Variants in GLYATL2 observed in about 807,000 individuals in gnomAD.
The protein encoded by GLYATL2 is glycine-N-acyltransferase like 2.
A neutral mutation model predicts 21.4 loss-of-function variants in GLYATL2; 25 were observed. The ratio of observed to expected loss-of-function variants is 1.17; its 90% CI spans 0.85 to 1.63. The LOEUF (loss-of-function observed/expected upper bound fraction) is 1.63, where lower values mean the gene tolerates loss of function less well. Ranked by LOEUF, GLYATL2 falls within the 40% of genes most tolerant of loss-of-function variation. The pLI is 0.00. For missense variants in GLYATL2, 361 were observed against 343.3 expected (o/e 1.05, Z -0.41); for synonymous variants, 114 against 118.2 (o/e 0.96, Z 0.23).
intron 2 of GLYATL2, 37 bp from the exon 3 acceptor site, chr11:58,838,405 T>G: frequency 1.5e-4 from 170 of 1,151,066 alleles, no homozygotes; most frequent in Non-Finnish European, 2.1e-4. Context: ...GAGGATGAAG[T>G]TCTTCTCCAA....
At chr11:58,889,292 T>A (rs1854498684) in intron 1 of GLYATL2, among the ~76,000 whole-genome samples, 1 of 151,972 alleles carries the variant, frequency 6.6e-6, no homozygotes, top group Admixed American at 6.6e-5. Flanking sequence ...TTTGTGTTTT[T>A]TCAAAGTCTC....
chr11:58,851,512 T>G (rs1268405245), intron 1 of GLYATL2, among the ~76,000 whole-genome samples: 1 of 152,170 alleles, frequency 6.6e-6, no homozygotes, highest in Non-Finnish European at 1.5e-5. Context: ...TGAGGATTTT[T>G]GCATCAGTAT....
intron 1 of GLYATL2, among the ~76,000 whole-genome samples, chr11:58,877,287 C>A (rs1462963948): frequency 6.6e-6 from 1 of 152,212 alleles, no homozygotes; most frequent in Non-Finnish European, 1.5e-5. Context: ...TGTGCTGCAC[C>A]CGCTATACAG....
chr11:58,899,815 GAAT>G (rs1473539553), intron 1 of GLYATL2, among the ~76,000 whole-genome samples: 1 of 143,126 alleles, frequency 7.0e-6, no homozygotes, highest in Non-Finnish European at 1.5e-5. Flanking sequence ...AATTACAACA[GAAT>G]ATATATATAT....
At chr11:58,907,112 T>C (rs1854911522), upstream of GLYATL2, 1 of 353,662 alleles carries the variant, frequency 2.8e-6, no homozygotes, top group Admixed American at 3.4e-5. Flanking sequence ...ATAATAGTTT[T>C]AGGGTGGTTC....
rs192069307 is a variant in GLYATL2 at position 58,858,110 on chromosome 11, G to A, written n.61-19742C>T. Among the ~76,000 whole-genome samples, 710 of 152,258 alleles carry A rather than the reference G, an allele frequency of 4.7e-3. 6 individuals carry two copies. Among genetic ancestry groups the A allele is most frequent in the African/African-American group, 0.016 (674 of 41,534 alleles). On this transcript the variant is annotated intron_variant and non_coding_transcript_variant, in intron 1 of 4. Transcript: ENST00000533636. ...TCATGTGTCTGTGTGAATGTAGCGTGCGTTTGAGTAGCATTGTGTGTGAGT... is the reference window on the plus strand; with the variant it reads ...TCATGTGTCTGTGTGAATGTAGCGTACGTTTGAGTAGCATTGTGTGTGAGT...
intron 1 of GLYATL2, among the ~76,000 whole-genome samples, chr11:58,889,655 CTTTAA>C (rs1446989561): frequency 6.6e-5 from 10 of 151,690 alleles, no homozygotes; most frequent in Non-Finnish European, 1.0e-4. Context: ...ATTTTTCCTC[CTTTAA>C]TTTATTACAC....
Position 58,834,464 on chromosome 11 carries a change from G to A in GLYATL2, c.850C>T (p.His284Tyr). Residue 284 changes from histidine to tyrosine, a missense_variant, in exon 6 of 6, where the codon CAT becomes TAT. By Grantham distance (83) the His-to-Tyr change is moderately conservative. Transcript: ENST00000287275. ...TTCTTGGGGGTGCATTTCCACTGATGCCAGCCACAAGGACAAATCTTAAAC... is the reference window on the plus strand; with the variant it reads ...TTCTTGGGGGTGCATTTCCACTGATACCAGCCACAAGGACAAATCTTAAAC... The part of the protein sequence containing the change: ...LGFKICPCGW[H>Y]QWKCTPKKYC 4 of 1,604,230 alleles carry A rather than the reference G, an allele frequency of 2.5e-6. No individual in the cohort carries two copies. Among genetic ancestry groups the A allele is most frequent in the Non-Finnish European group, 3.4e-6 (4 of 1,175,446 alleles).
intron 1 of GLYATL2, among the ~76,000 whole-genome samples, chr11:58,877,208 C>T (rs618527): frequency 0.86 from 130,338 of 152,270 alleles, 57,439 homozygotes; most frequent in Non-Finnish European, 0.96. Context: ...TGACTAGGAA[C>T]GGGAATTCCC....
intron 5 of GLYATL2, among the ~76,000 whole-genome samples, chr11:58,835,698 T>A (rs1488468648): frequency 6.6e-6 from 1 of 152,138 alleles, no homozygotes; most frequent in Non-Finnish European, 1.5e-5. Flanking sequence ...TGGACTTGCT[T>A]CCTGAAAGAT....
At chr11:58,873,857 A>G (rs1017520704) in intron 1 of GLYATL2, among the ~76,000 whole-genome samples, 2 of 152,192 alleles carry the variant, frequency 1.3e-5, no homozygotes, top group Non-Finnish European at 2.9e-5. Flanking sequence ...TTTCAGAAGG[A>G]ATGGTACCAG....
intron 1 of GLYATL2, chr11:58,884,822 G>A (rs1392411638): frequency 6.1e-6 from 1 of 163,950 alleles, no homozygotes; most frequent in African/African-American, 2.4e-5. Context: ...TACATCATGA[G>A]TGTTACTTGA....
At chr11:58,902,843 A>G (rs955240932) in intron 1 of GLYATL2, among the ~76,000 whole-genome samples, 2 of 152,220 alleles carry the variant, frequency 1.3e-5, no homozygotes, top group Admixed American at 6.5e-5. Flanking sequence ...CCACAGCCCC[A>G]TGTAAGCATT....
intron 1 of GLYATL2, among the ~76,000 whole-genome samples, chr11:58,841,951 A>G (rs1301634116): frequency 6.6e-6 from 1 of 152,198 alleles, no homozygotes; most frequent in African/African-American, 2.4e-5. Context: ...TTGACCAGGA[A>G]AGGAAGAAGA....
upstream of GLYATL2, among the ~76,000 whole-genome samples, chr11:58,906,464 A>G (rs992443275): frequency 1.2e-4 from 18 of 152,102 alleles, no homozygotes; most frequent in African/African-American, 4.1e-4. Context: ...CTCCTGTTCA[A>G]AGTTCCTGGG....
chr11:58,877,286 C>A (rs527995323), intron 1 of GLYATL2, among the ~76,000 whole-genome samples: 103 of 152,312 alleles, frequency 6.8e-4, no homozygotes, highest in Non-Finnish European at 1.2e-3. Context: ...GTGTGCTGCA[C>A]CCGCTATACA....
At position 58,834,857 on chromosome 11, in the gene GLYATL2, T is replaced by C; in HGVS notation, c.477-20A>G. ...CCTTCCCTGTGAAGAAAAAGAATTTTACATTTATTCAGCCAATATTACCAA... is the reference window on the plus strand; with the variant it reads ...CCTTCCCTGTGAAGAAAAAGAATTTCACATTTATTCAGCCAATATTACCAA... On this transcript the variant is annotated intron_variant, in intron 5 of 5. Transcript: ENST00000287275. 1 of 1,538,002 alleles carries C rather than the reference T, an allele frequency of 6.5e-7. No individual in the cohort carries two copies. The highest frequency in any genetic ancestry group is 8.7e-7 in the Non-Finnish European group (1 of 1,143,402).
At chr11:58,874,584 T>A (rs1236559931) in intron 1 of GLYATL2, among the ~76,000 whole-genome samples, 1 of 152,246 alleles carries the variant, frequency 6.6e-6, no homozygotes, top group Non-Finnish European at 1.5e-5. Flanking sequence ...TCAGTTTCCA[T>A]GTAGTTGTGT....
At chr11:58,842,368 A>G (rs1195836901) in intron 1 of GLYATL2, among the ~76,000 whole-genome samples, 2 of 152,170 alleles carry the variant, frequency 1.3e-5, no homozygotes, top group African/African-American at 4.8e-5. Flanking sequence ...AATGGTGAAG[A>G]GAAAAACATC....
Sources: allele counts gnomAD v4.1 joint callset (sites outside exome capture counted in the v4.1 genomes callset), GRCh38; gene constraint gnomAD v4.1.1; transcripts MANE v1.5; gene names NCBI Gene and HGNC (gene_info 2026-07-23, HGNC 2026-07-21).